Variants in ABCC3 observed in about 807,000 individuals in gnomAD.
ABCC3 encodes ATP-binding cassette sub-family C member 3.
A neutral mutation model predicts 165.3 loss-of-function variants in ABCC3; 121 were observed. The observed-to-expected ratio is 0.73, with a 90% CI of 0.63 to 0.85. The LOEUF (loss-of-function observed/expected upper bound fraction) is 0.85. Ranked by LOEUF, ABCC3 falls within the 40% of genes least tolerant of loss-of-function variation. The pLI is 0.00. For missense variants in ABCC3, 1,869 were observed against 1,964.1 expected (o/e 0.95, Z 0.92); for synonymous variants, 733 against 810.1 (o/e 0.90, Z 1.62).
rs1328536906 is a variant in ABCC3 at position 50,672,951 on chromosome 17, C to CA, written c.2242-19dup. ...TGTGCCTGTCTGACCCCATTTTTCC[C>CA]ACCCCCCGCCTCCCTCCAGGGCATT... On this transcript the variant is annotated intron_variant, in intron 17 of 30. Coordinates refer to ENST00000285238, the MANE Select transcript of ABCC3 (RefSeq NM_003786.4). 3 of 1,607,902 alleles carry CA rather than the reference C, an allele frequency of 1.9e-6. No individual in the cohort carries two copies. Among genetic ancestry groups the CA allele is most frequent in the Non-Finnish European group, 2.5e-6 (3 of 1,177,516 alleles).
At chr17:50,640,740 C>T (rs929752929) in intron 1 of ABCC3, among the ~76,000 whole-genome samples, 9 of 152,164 alleles carry the variant, frequency 5.9e-5, no homozygotes, top group Admixed American at 4.6e-4. Context: ...CCAGGCTGGT[C>T]GCAGACTCCT....
At chr17:50,672,855 G>C in intron 17 of ABCC3, 116 bp from the exon 18 acceptor site, 1 of 900,054 alleles carries the variant, frequency 1.1e-6, no homozygotes, top group South Asian at 1.8e-5. Context: ...CTGGGTGAGT[G>C]AGACCCCATC....
Position 50,691,157 on chromosome 17 carries a change from G to A in ABCC3, c.4541G>A (p.Arg1514Lys). Residue 1514 changes from arginine (R) to lysine (K), a missense_variant, in exon 31 of 31, where the codon AGA becomes AAA. Coordinates refer to ENST00000285238, the MANE Select transcript of ABCC3 (RefSeq NM_003786.4). ...TCTCCAGCCAACCTCATTGCAGCTA[G>A]AGGCATCTTCTACGGGATGGCCAGA... ...FDSPANLIAA[R>K]GIFYGMARDA... The A allele has an allele frequency of 6.2e-7, 1 of 1,614,204 alleles. No homozygotes were observed. Among genetic ancestry groups the A allele is most frequent in the Non-Finnish European group, 8.5e-7 (1 of 1,180,004 alleles).
intron 25 of ABCC3, chr17:50,678,800 A>G (rs1041722791): frequency 3.9e-5 from 6 of 152,252 alleles, no homozygotes; most frequent in African/African-American, 1.4e-4. Context: ...GGCATCTGTA[A>G]TCCCAGCTAC....
In ABCC3 at chr17:50,683,937, T is replaced by G; in HGVS notation, c.3955-12T>G. Reference sequence around the variant, plus strand: ...AGCTTCCCCCTCAGAGCCCCTTCCCTTCTCCGCCCAGGTGGGGATCGTGGG... The same window carrying G: ...AGCTTCCCCCTCAGAGCCCCTTCCCGTCTCCGCCCAGGTGGGGATCGTGGG... On this transcript the variant is annotated splice_polypyrimidine_tract_variant and intron_variant, in intron 27 of 30. Transcript: ENST00000285238. 1.9e-6 allele frequency: 3 copies of G among 1,611,470 alleles called. No individual in the cohort carries two copies. Among genetic ancestry groups the G allele is most frequent in the Non-Finnish European group, 2.5e-6 (3 of 1,178,938 alleles).
At chr17:50,644,365 G>T (rs946370373) in intron 1 of ABCC3, among the ~76,000 whole-genome samples, 1 of 150,506 alleles carries the variant, frequency 6.6e-6, no homozygotes, top group African/African-American at 2.4e-5. Flanking sequence ...GGAGGTTGGG[G>T]AAAGGAAGCA....
At position 50,683,738 on chromosome 17, in the gene ABCC3, T is replaced by C. The variant is rs917838847; in HGVS notation, c.3936T>C (p.His1312=). The change falls in exon 27 of 31, where the codon CAT becomes CAC. Residue 1312 remains histidine, a synonymous_variant. Transcript: ENST00000285238. ...LDLVLRDLSL[H]VHGGEKVGIV... The stretch of plus-strand genomic sequence containing the variant: ...TGGTGCTGAGAGACCTGAGTCTGCA[T>C]GTGCACGGTGGCGAGAAGGTACGCG... The C allele has an allele frequency of 1.9e-6, 3 of 1,606,284 alleles. No individual in the cohort carries two copies. Among genetic ancestry groups the C allele is most frequent in the Non-Finnish European group, 2.5e-6 (3 of 1,177,272 alleles).
intron 1 of ABCC3, among the ~76,000 whole-genome samples, chr17:50,646,291 A>G (rs1217714911): frequency 1.3e-5 from 2 of 152,182 alleles, no homozygotes; most frequent in African/African-American, 4.8e-5. Context: ...TGCATTTAGA[A>G]ACAGCAAGGA....
intron 1 of ABCC3, among the ~76,000 whole-genome samples, chr17:50,649,828 C>T (rs2078814669): frequency 6.6e-6 from 1 of 152,098 alleles, no homozygotes; most frequent in Non-Finnish European, 1.5e-5. Flanking sequence ...TGAACAATAG[C>T]CGTTCATTAA....
At position 50,658,477 on chromosome 17, in the gene ABCC3, T is replaced by G; in HGVS notation, c.655T>G (p.Phe219Val). 1.2e-6 allele frequency: 2 copies of G among 1,613,958 alleles called. No individual in the cohort carries two copies. Among genetic ancestry groups the G allele is most frequent in the African/African-American group, 2.7e-5 (2 of 74,998 alleles). ...ETSAGFLSRLFFWWFTKMAIY... is the reference protein window; with the variant it reads ...ETSAGFLSRLVFWWFTKMAIY... ...CAGCGCTGGCTTTCTCTCCCGCCTG[T>G]TTTTCTGGTGGTTCACAAAGTGAGT... is the stretch of plus-strand genomic sequence containing the variant. The change falls in exon 6 of 31, where the codon TTT (phenylalanine) becomes GTT (valine). Residue 219 changes from phenylalanine (F) to valine (V), a missense_variant. Physicochemically the swap from Phe to Val is conservative, Grantham distance 50. Transcript: ENST00000285238.
intron 29 of ABCC3, among the ~76,000 whole-genome samples, chr17:50,686,791 C>T (rs1005207468): frequency 7.2e-5 from 11 of 152,126 alleles, no homozygotes; most frequent in African/African-American, 2.7e-4. Flanking sequence ...GCTGCCAAAA[C>T]CTTCATTAGT....
rs188900309 is a variant in ABCC3 at position 50,675,788 on chromosome 17, G to C, written c.2859+13G>C. 9.5e-5 allele frequency: 150 copies of C among 1,578,274 alleles called. No homozygotes were observed. Among genetic ancestry groups the C allele is most frequent in the Non-Finnish European group, 1.2e-4 (144 of 1,161,576 alleles). The stretch of plus-strand genomic sequence containing the variant: ...AGCCATTGGCACTGTGAGTCGGTGG[G>C]GCAAGAGGGGCTGGAGGGGATGGAC... On this transcript the variant is annotated intron_variant, in intron 21 of 30. Coordinates refer to ENST00000285238, the MANE Select transcript of ABCC3 (RefSeq NM_003786.4).
At chr17:50,669,318 G>A (rs1315072300) in intron 16 of ABCC3, 34 bp from the exon 17 acceptor site, 14 of 1,614,014 alleles carry the variant, frequency 8.7e-6, no homozygotes, top group African/African-American at 1.3e-5. Flanking sequence ...CCAGGCCTTG[G>A]GCAAGCCCCG....
intron 17 of ABCC3, among the ~76,000 whole-genome samples, chr17:50,671,557 C>T (rs1312891140): frequency 6.6e-6 from 1 of 152,004 alleles, no homozygotes. Context: ...TGTACAGTTA[C>T]GGAGGCTGAA....
At chr17:50,654,029 A>G (rs944757994) in intron 1 of ABCC3, among the ~76,000 whole-genome samples, 1 of 152,238 alleles carries the variant, frequency 6.6e-6, no homozygotes, top group Non-Finnish European at 1.5e-5. Flanking sequence ...TTCACTATGT[A>G]AGGAGGCAGC....
At chr17:50,684,198 C>G in intron 28 of ABCC3, 91 bp downstream of exon 28, 2 of 1,497,028 alleles carry the variant, frequency 1.3e-6, no homozygotes, top group Non-Finnish European at 1.8e-6. Flanking sequence ...AGACTGGGAC[C>G]CCAGTCTCAG....
At chr17:50,660,044 A>T (rs1462618231) in intron 7 of ABCC3, among the ~76,000 whole-genome samples, 2 of 152,118 alleles carry the variant, frequency 1.3e-5, no homozygotes, top group African/African-American at 4.8e-5. Context: ...AGGGCCTCCC[A>T]GGGTCCCCAA....
In ABCC3 at chr17:50,683,642, C is replaced by A; in HGVS notation, c.3840C>A (p.Pro1280=). 1 of 1,595,734 alleles carries A rather than the reference C, an allele frequency of 6.3e-7. No homozygotes were observed. The change falls in exon 27 of 31, where the codon CCC becomes CCA. Residue 1280 remains proline (P), a synonymous_variant. Coordinates refer to ENST00000285238, the MANE Select transcript of ABCC3 (RefSeq NM_003786.4). ...GGGTGGTGGAAGGCAGCCGCCCTCCCGAAGGTTGGCCCCCACGTGGGGAGG... is the reference window on the plus strand; with the variant it reads ...GGGTGGTGGAAGGCAGCCGCCCTCCAGAAGGTTGGCCCCCACGTGGGGAGG... The part of the protein sequence containing the change: ...APWVVEGSRP[P]EGWPPRGEVE...
At chr17:50,665,608 C>CTTTT (rs201547164) in intron 11 of ABCC3, among the ~76,000 whole-genome samples, 1 of 142,300 alleles carries the variant, frequency 7.0e-6, no homozygotes, top group Admixed American at 7.1e-5. Flanking sequence ...TGTTTTTTTT[C>CTTTT]TTTTTTTTTT....
Sources: gnomAD v4.1 joint callset for allele counts (sites outside exome capture counted in the v4.1 genomes callset) on GRCh38, gnomAD v4.1.1 for gene constraint, MANE v1.5 for transcripts, NCBI Gene and HGNC (gene_info 2026-07-23, HGNC 2026-07-21) for gene names.